The following PLB1 variants were observed in gnomAD, a reference collection of about 807,000 sequenced individuals.
The protein encoded by PLB1 is phospholipase B1, membrane-associated.
A neutral mutation model predicts 227.4 loss-of-function variants in PLB1; 242 were observed. That is an observed-to-expected ratio of 1.06 (90% CI 0.96 to 1.18). The LOEUF (loss-of-function observed/expected upper bound fraction) is 1.18, where lower values mean the gene tolerates loss of function less well. PLB1 is among the 50% of genes most tolerant of loss of function. The pLI is 0.00. For synonymous variants in PLB1, 757 were observed against 682.2 expected (o/e 1.11, Z -1.71); for missense variants, 1,858 against 1,816.3 (o/e 1.02, Z -0.42).
chr2:28,611,137 G>C (rs1215150272), intron 43 of PLB1, among the ~76,000 whole-genome samples: 1 of 152,158 alleles, frequency 6.6e-6, no homozygotes, highest in African/African-American at 2.4e-5. Flanking sequence ...AAGCCCTGAG[G>C]CACCCCGGCT....
intron 24 of PLB1, 135 bp from the exon 25 acceptor site, chr2:28,582,270 G>A (rs1046863100): frequency 1.7e-6 from 2 of 1,209,812 alleles, no homozygotes; most frequent in African/African-American, 3.0e-5. Context: ...GGGGGAGCAG[G>A]GACGGGTGGA....
chr2:28,591,258 A>G, intron 30 of PLB1, 87 bp downstream of exon 30: 1 of 1,548,972 alleles, frequency 6.5e-7, no homozygotes, highest in South Asian at 1.1e-5. Flanking sequence ...ACAGGGTGGG[A>G]AAGCGGGCAA....
chr2:28,563,227 C>A, intron 18 of PLB1, 128 bp downstream of exon 18: 2 of 885,260 alleles, frequency 2.3e-6, no homozygotes, highest in Non-Finnish European at 1.8e-6. Context: ...GGGTCCTGAT[C>A]TCCATCTCTC....
At chr2:28,542,748 C>T (rs924529749) in intron 13 of PLB1, among the ~76,000 whole-genome samples, 2 of 152,210 alleles carry the variant, frequency 1.3e-5, no homozygotes, top group Non-Finnish European at 2.9e-5. Flanking sequence ...TGACCGAGGT[C>T]TCCGTAGCCT....
intron 51 of PLB1, among the ~76,000 whole-genome samples, chr2:28,627,250 C>G (rs779376879): frequency 1.3e-5 from 2 of 152,054 alleles, no homozygotes; most frequent in South Asian, 4.1e-4. Context: ...AAACCTCTTC[C>G]CCTCAGTTCT....
intron 22 of PLB1, 115 bp from the exon 23 acceptor site, chr2:28,579,512 C>A: frequency 2.7e-6 from 2 of 750,310 alleles, no homozygotes; most frequent in African/African-American, 1.8e-5. Context: ...ATTCAGAAGT[C>A]CATGAGACAC....
Position 28,604,041 on chromosome 2 carries a change from C to T in PLB1, c.2850C>T (p.Ala950=). The change falls in exon 40 of 58, where the codon GCC becomes GCT. Residue 950 remains alanine (A), a synonymous_variant. Coordinates refer to ENST00000327757, the MANE Select transcript of PLB1 (RefSeq NM_153021.5). ...CCAGGCTGGAGGCCTTCAGCCGAGC[C>T]TACCGGGTAAGACCAAGAAGGGCAC... ...ELARLEAFSR[A]YRSSMRELVG... is the part of the protein sequence containing the mutation. The T allele has an allele frequency of 3.7e-6, 6 of 1,613,620 alleles. No homozygotes were observed. Among genetic ancestry groups the T allele is most frequent in the Non-Finnish European group, 5.1e-6 (6 of 1,179,458 alleles).
intron 1 of PLB1, among the ~76,000 whole-genome samples, chr2:28,511,339 T>C (rs1306628343): frequency 6.6e-6 from 1 of 152,224 alleles, no homozygotes; most frequent in Non-Finnish European, 1.5e-5. Context: ...AATTTAAGAA[T>C]GATTCTTGTC....
chr2:28,596,288 G>A (rs1013837783), intron 33 of PLB1, among the ~76,000 whole-genome samples: 2 of 152,142 alleles, frequency 1.3e-5, no homozygotes, highest in Admixed American at 6.5e-5. Flanking sequence ...TTCCTTTCAC[G>A]TTTCATGGTT....
At chr2:28,530,632 G>A (rs927476627) in intron 8 of PLB1, among the ~76,000 whole-genome samples, 2 of 152,226 alleles carry the variant, frequency 1.3e-5, no homozygotes, top group African/African-American at 4.8e-5. Flanking sequence ...TTTGTAATAA[G>A]CATCCTTAGA....
At position 28,591,852 on chromosome 2, in the gene PLB1, A is replaced by G. The variant is rs534314379; in HGVS notation, c.2188+92A>G. ...CTGACCTGACTTTCACACTCACTAA[A>G]TGGCACAGTGACGGCCAGTGCTTGC... is the stretch of plus-strand genomic sequence containing the variant. On this transcript the variant is annotated intron_variant, in intron 31 of 57. Transcript: ENST00000327757. The G allele has an allele frequency of 3.8e-5, 49 of 1,280,044 alleles. No individual in the cohort carries two copies. In the African/African-American group the frequency reaches 6.0e-4, roughly 16 times the overall value. The allele number at this position is 1,280,044 out of a possible 1,614,324, so 79.3% of individuals were successfully genotyped here.
At chr2:28,616,617 A>G (rs977010355) in intron 44 of PLB1, among the ~76,000 whole-genome samples, 3 of 152,228 alleles carry the variant, frequency 2.0e-5, no homozygotes, top group Non-Finnish European at 4.4e-5. Context: ...CTGGTTCACC[A>G]ACTATCTGAG....
chr2:28,590,027 C>T lies in PLB1; in HGVS notation c.2039C>T (p.Thr680Met), dbSNP rs75007235. The T allele has an allele frequency of 1.7e-3, 2,667 of 1,613,760 alleles. 47 individuals carry two copies. The African/African-American group carries it at 0.032, about 19-fold the overall frequency. ...TAGCTGGAGCCTGTTGGCCAGAAGA[C>T]GACTCGTCATAAGTTTGAAAACAAG... ...NNMLEPVGQK[T>M]TRHKFENKIN... The change falls in exon 29 of 58, where the codon ACG becomes ATG. Residue 680 changes from threonine (T) to methionine (M), a missense_variant. Thr to Met is a moderately conservative substitution (Grantham distance 81). Coordinates refer to ENST00000327757, the MANE Select transcript of PLB1 (RefSeq NM_153021.5).
intron 17 of PLB1, among the ~76,000 whole-genome samples, chr2:28,555,537 A>T (rs1027293736): frequency 1.3e-5 from 2 of 152,166 alleles, no homozygotes; most frequent in Admixed American, 6.5e-5. Flanking sequence ...TTTTCCTTTG[A>T]TATTAATCAT....
intron 17 of PLB1, among the ~76,000 whole-genome samples, chr2:28,553,345 A>G (rs1572931589): frequency 1.3e-5 from 2 of 152,238 alleles, no homozygotes; most frequent in South Asian, 2.1e-4. Context: ...TAGCCAGTCC[A>G]TAGTCCCTGT....
intron 1 of PLB1, among the ~76,000 whole-genome samples, chr2:28,513,421 C>A (rs560708528): frequency 6.6e-6 from 1 of 152,320 alleles, no homozygotes; most frequent in East Asian, 1.9e-4. Context: ...TCATCAGGGT[C>A]CCCCCTCCTC....
At chr2:28,523,583 T>C (rs992752626) in intron 4 of PLB1, among the ~76,000 whole-genome samples, 3 of 152,154 alleles carry the variant, frequency 2.0e-5, no homozygotes, top group African/African-American at 7.2e-5. Flanking sequence ...CTCCCCTCTC[T>C]GTGGCTGCCC....
Position 28,605,890 on chromosome 2 carries a change from G to A in PLB1, c.2999G>A (p.Cys1000Tyr). Residue 1000 changes from cysteine to tyrosine, a missense_variant, in exon 42 of 58, where the codon TGC (cysteine) becomes TAC (tyrosine). Transcript: ENST00000327757. ...GATACGTCCTTCTTTGCCCCAGACT[G>A]CATCCACCCAAATCAGAAATTCCAC... ...LPDTSFFAPD[C>Y]IHPNQKFHSQ... 8 of 1,613,904 alleles carry A rather than the reference G, an allele frequency of 5.0e-6. No individual in the cohort carries two copies. Among genetic ancestry groups the A allele is most frequent in the Non-Finnish European group, 6.8e-6 (8 of 1,179,844 alleles).
At chr2:28,569,410 A>G (rs967756991) in intron 20 of PLB1, among the ~76,000 whole-genome samples, 1 of 152,216 alleles carries the variant, frequency 6.6e-6, no homozygotes, top group Admixed American at 6.5e-5. Context: ...TGAAAAAGTG[A>G]AAAGTGTGGA....
Sources: gnomAD v4.1 joint callset for allele counts (sites outside exome capture counted in the v4.1 genomes callset) on GRCh38, gnomAD v4.1.1 for gene constraint, MANE v1.5 for transcripts, NCBI Gene and HGNC (gene_info 2026-07-23, HGNC 2026-07-21) for gene names.